Variants in YIPF5 observed in about 807,000 individuals in gnomAD.
The protein encoded by YIPF5 is protein YIPF5.
YIPF5 carries 8 observed loss-of-function variants against 30.4 expected under a neutral mutation model. That is an observed-to-expected ratio of 0.26 (90% confidence interval 0.15 to 0.47). YIPF5 has a LOEUF of 0.47. Among genes scored for constraint, YIPF5 ranks in the 20% least tolerant of loss-of-function variants. The pLI is 0.99. For missense variants in YIPF5, 282 were observed against 301.8 expected, an observed-to-expected ratio of 0.93 and a Z score of 0.49; for synonymous variants, 104 against 107.9, an observed-to-expected ratio of 0.96 and a Z score of 0.23.
chr5:144,169,270 C>T (rs17372048), intron 2 of YIPF5, among the ~76,000 whole-genome samples: 2,318 of 152,230 alleles, frequency 0.015, 28 homozygotes, highest in Middle Eastern at 0.034. Context: ...CAGAGGCTAA[C>T]GGCTTTGAGT....
In YIPF5 at chr5:144,160,579, A is replaced by G; in HGVS notation, c.612-20T>C. The G allele has an allele frequency of 6.3e-7, 1 of 1,587,006 alleles. No individual in the cohort carries two copies. Among genetic ancestry groups the G allele is most frequent in the Admixed American group, 1.8e-5 (1 of 56,604 alleles). On this transcript the variant is annotated intron_variant, in intron 5 of 5. Coordinates refer to ENST00000274496, the MANE Select transcript of YIPF5 (RefSeq NM_030799.9). ...ATTCCTCTGTAAACAACAAGGAAAAAGGGGGGAGAAGAAAAAAAAGCAGAT... is the reference window on the plus strand; with the variant it reads ...ATTCCTCTGTAAACAACAAGGAAAAGGGGGGGAGAAGAAAAAAAAGCAGAT...
rs556294850 is a variant in YIPF5, at chr5:144,166,782, T to G, written c.111-1178A>C. 1.7e-4 allele frequency among the ~76,000 whole-genome samples: 26 copies of G among 152,254 alleles called. No homozygotes were observed. The South Asian group carries it at 5.0e-3, about 29-fold the overall frequency. On this transcript the variant is annotated intron_variant, in intron 2 of 5. Transcript: ENST00000274496. ...CTTCACAAAGAATATTAAAGAAATA[T>G]ATGTACTAAAGGGTCAGGGTTTAAT...
intron 3 of YIPF5, among the ~76,000 whole-genome samples, chr5:144,164,645 C>T (rs1266626883): frequency 2.0e-5 from 3 of 151,864 alleles, no homozygotes; most frequent in Non-Finnish European, 4.4e-5. Flanking sequence ...AGAGATCCTC[C>T]AGCCTCAGCC....
In YIPF5 at chr5:144,158,659, T is replaced by G; in HGVS notation, c.*1738A>C. On this transcript the variant is annotated 3_prime_UTR_variant, in exon 6 of 6. Coordinates refer to ENST00000274496, the MANE Select transcript of YIPF5 (RefSeq NM_030799.9). ...ACTATCCAAGAATTACAATAAAAAA[T>G]TTGGTTAAGTTGGAAAGCCTATCAA... is the stretch of plus-strand genomic sequence containing the variant. The G allele has an allele frequency of 9.7e-7, 1 of 1,032,410 alleles. No homozygotes were observed. The highest frequency in any genetic ancestry group is 1.7e-5 in the African/African-American group (1 of 57,632). 64.0% of individuals were successfully genotyped at this position (1,032,410 alleles called of 1,614,324 possible).
Position 144,160,551 on chromosome 5 carries a change from A to C in YIPF5, c.620T>G (p.Val207Gly). 6.2e-7 allele frequency: 1 copy of C among 1,612,298 alleles called. No individual in the cohort carries two copies. Among genetic ancestry groups the C allele is most frequent in the Non-Finnish European group, 8.5e-7 (1 of 1,179,420 alleles). Residue 207 changes from valine (V) to glycine (G), a missense_variant, in exon 6 of 6, where the codon GTA becomes GGA. By Grantham distance (109) the Val-to-Gly change is moderately radical. Coordinates refer to ENST00000274496, the MANE Select transcript of YIPF5 (RefSeq NM_030799.9). ...FAVIFSLQGM[V>G]GIILTAGIIG... ...AATCCCAGCAGTGAGAATGATTCCT[A>C]CCATTCCTCTGTAAACAACAAGGAA...
intron 1 of YIPF5, chr5:144,170,210 T>G: frequency 4.1e-6 from 2 of 482,168 alleles, no homozygotes; most frequent in South Asian, 4.6e-5. Flanking sequence ...TGCCTTCCAT[T>G]AGGGGCGAGG....
At position 144,160,366 on chromosome 5, in the gene YIPF5, G is replaced by A; in HGVS notation, c.*31C>T. ...GTTCAAGGTCCTTTTTGTACATCTGGCCCACTGATGTCCACATCCCAGATA... is the reference window on the plus strand; with the variant it reads ...GTTCAAGGTCCTTTTTGTACATCTGACCCACTGATGTCCACATCCCAGATA... On this transcript the variant is annotated 3_prime_UTR_variant, in exon 6 of 6. Transcript: ENST00000274496. The A allele has an allele frequency of 6.3e-7, 1 of 1,596,166 alleles. No individual in the cohort carries two copies. Among genetic ancestry groups the A allele is most frequent in the Non-Finnish European group, 8.6e-7 (1 of 1,168,842 alleles).
At chr5:144,169,202 C>T (rs538761731) in intron 2 of YIPF5, among the ~76,000 whole-genome samples, 2 of 152,136 alleles carry the variant, frequency 1.3e-5, no homozygotes, top group East Asian at 3.9e-4. Flanking sequence ...GCCTTCAGTT[C>T]ATGTATTTTT....
intron 4 of YIPF5, among the ~76,000 whole-genome samples, chr5:144,163,352 TAAAA>T (rs1181732917): frequency 6.6e-6 from 1 of 152,166 alleles, no homozygotes; most frequent in Non-Finnish European, 1.5e-5. Flanking sequence ...CATGTAGTAA[TAAAA>T]AAACTCACAC....
Position 144,170,588 on chromosome 5 carries a change from A to G in YIPF5, c.-64T>C, listed in dbSNP as rs1232786502. 6.5e-6 allele frequency: 1 copy of G among 152,938 alleles called. No homozygotes were observed. The highest frequency in any genetic ancestry group is 2.4e-5 in the African/African-American group (1 of 41,472). 9.5% of individuals were successfully genotyped at this position (152,938 alleles called of 1,614,324 possible). ...GGCAGTAGCTTCACTAATCCCAAAC[A>G]ACCCCCAAACTCTGTTTCAGACCCT... On this transcript the variant is annotated 5_prime_UTR_variant, in exon 1 of 6. Coordinates refer to ENST00000274496, the MANE Select transcript of YIPF5 (RefSeq NM_030799.9).
At chr5:144,167,692 G>A (rs576156701) in intron 2 of YIPF5, among the ~76,000 whole-genome samples, 2 of 152,020 alleles carry the variant, frequency 1.3e-5, no homozygotes, top group Admixed American at 6.6e-5. Context: ...AATGATACTT[G>A]TGAAACACCT....
In YIPF5 at chr5:144,165,592, G is replaced by A. The variant is rs1752181202; in HGVS notation, c.123C>T (p.Gly41=). 1 of 1,614,138 alleles carries A rather than the reference G, an allele frequency of 6.2e-7. No homozygotes were observed. The highest frequency in any genetic ancestry group is 8.5e-7 in the Non-Finnish European group (1 of 1,180,010). ...ATCTGCCTTGCTGCGAATAGTCATA[G>A]CCAGCATACTGTCTATAAATGAAAG... The part of the protein sequence containing the change: ...SGGPYSKQYA[G]YDYSQQGRFV... Residue 41 remains glycine, a synonymous_variant, in exon 3 of 6, where the codon GGC becomes GGT. Transcript: ENST00000274496.
intron 3 of YIPF5, 95 bp downstream of exon 3, chr5:144,165,337 T>C: frequency 1.3e-6 from 2 of 1,489,110 alleles, no homozygotes; most frequent in East Asian, 2.3e-5. Flanking sequence ...AGATTATTTT[T>C]TTTAAAGGAA....
intron 4 of YIPF5, 52 bp from the exon 5 acceptor site, chr5:144,162,451 G>T: frequency 6.6e-7 from 1 of 1,511,592 alleles, no homozygotes; most frequent in Non-Finnish European, 9.0e-7. Context: ...GTTATTTCTG[G>T]CCTTATTTCA....
chr5:144,169,129 T>C (rs1053081786), intron 2 of YIPF5, among the ~76,000 whole-genome samples: 5 of 152,200 alleles, frequency 3.3e-5, no homozygotes, highest in African/African-American at 1.2e-4. Flanking sequence ...AGGAAGCTGA[T>C]AAGATTATCT....
intron 3 of YIPF5, among the ~76,000 whole-genome samples, chr5:144,164,824 C>T (rs1298015346): frequency 6.6e-6 from 1 of 152,126 alleles, no homozygotes; most frequent in African/African-American, 2.4e-5. Flanking sequence ...ACACTTATTA[C>T]ATCCCTTAGG....
chr5:144,167,854 G>A (rs1752243203), intron 2 of YIPF5, among the ~76,000 whole-genome samples: 1 of 152,174 alleles, frequency 6.6e-6, no homozygotes. Context: ...AAAGTTATTA[G>A]CGGATCTTTG....
rs1751950171 is a variant in YIPF5 at position 144,158,999 on chromosome 5, G to C, written c.*1398C>G. 3 of 983,992 alleles carry C rather than the reference G, an allele frequency of 3.0e-6. No individual in the cohort carries two copies. Among genetic ancestry groups the C allele is most frequent in the African/African-American group, 1.8e-5 (1 of 56,888 alleles). The allele number at this position is 983,992 out of a possible 1,614,324, so 61.0% of individuals were successfully genotyped here. A position where few individuals can be genotyped will look rare whatever the true frequency, so the allele number is the denominator to read the frequency against. On this transcript the variant is annotated 3_prime_UTR_variant, in exon 6 of 6. Coordinates refer to ENST00000274496, the MANE Select transcript of YIPF5 (RefSeq NM_030799.9). ...TGAGCTTTGTCCAGAATCAGAGACA[G>C]TTTTTCTAGAAAAAGCCAATGATCA...
chr5:144,160,280 A>G lies in YIPF5; in HGVS notation c.*117T>C, dbSNP rs1311791101. The stretch of plus-strand genomic sequence containing the variant: ...ATACACGTTTACTTTCATTGCTCCA[A>G]CAGTCAAATGTAAATCTGCATGAGA... On this transcript the variant is annotated 3_prime_UTR_variant, in exon 6 of 6. Transcript: ENST00000274496. The G allele has an allele frequency of 2.5e-5, 37 of 1,500,306 alleles. No individual in the cohort carries two copies. Among genetic ancestry groups the G allele is most frequent in the Non-Finnish European group, 2.9e-5 (33 of 1,125,836 alleles). 92.9% of individuals were successfully genotyped at this position (1,500,306 alleles called of 1,614,324 possible). A position where few individuals can be genotyped will look rare whatever the true frequency, so the allele number is the denominator to read the frequency against.
Sources: allele counts gnomAD v4.1 joint callset (sites outside exome capture counted in the v4.1 genomes callset), GRCh38; gene constraint gnomAD v4.1.1; transcripts MANE v1.5; gene names NCBI Gene and HGNC (gene_info 2026-07-23, HGNC 2026-07-21).